Variants in BCKDHB observed in about 807,000 individuals in gnomAD.
The protein encoded by BCKDHB is 2-oxoisovalerate dehydrogenase subunit beta, mitochondrial.
Under a neutral mutation model 48.5 loss-of-function variants are expected in BCKDHB, and 41 were observed. The observed-to-expected ratio is 0.85, with a 90% CI of 0.66 to 1.10. The LOEUF (loss-of-function observed/expected upper bound fraction) is 1.10, where lower values mean the gene tolerates loss of function less well. BCKDHB is among the 50% of genes least tolerant of loss of function. The pLI is 0.00. For synonymous variants in BCKDHB, 201 were observed against 174.8 expected, an observed-to-expected ratio of 1.15 and a Z score of -1.18; for missense variants, 496 against 494.2, an observed-to-expected ratio of 1.00 and a Z score of -0.03.
intron 3 of BCKDHB, among the ~76,000 whole-genome samples, chr6:80,165,707 T>C (rs899596606): frequency 6.6e-6 from 1 of 152,206 alleles, no homozygotes; most frequent in Non-Finnish European, 1.5e-5. Context: ...AAATTGTACC[T>C]AGTGGTTCGA....
chr6:80,448,925 CT>C, the BCKDHB span, among the ~76,000 whole-genome samples: 6 of 152,096 alleles, frequency 3.9e-5, no homozygotes, highest in African/African-American at 1.4e-4. Context: ...CATGTACCCC[CT>C]GAATTTAAAA....
chr6:80,113,594 A>C (rs758739396), intron 1 of BCKDHB, among the ~76,000 whole-genome samples: 1 of 152,236 alleles, frequency 6.6e-6, no homozygotes, highest in Non-Finnish European at 1.5e-5. Flanking sequence ...AAACGAGAAG[A>C]AAAATAAATC....
At chr6:80,176,858 C>T (rs1773179714) in intron 6 of BCKDHB, among the ~76,000 whole-genome samples, 1 of 152,036 alleles carries the variant, frequency 6.6e-6, no homozygotes, top group African/African-American at 2.4e-5. Context: ...AGATAGAATC[C>T]CTTTGAGCGG....
At chr6:80,348,521 GC>G (rs1399643470), downstream of BCKDHB, among the ~76,000 whole-genome samples, 1 of 152,174 alleles carries the variant, frequency 6.6e-6, no homozygotes, top group Non-Finnish European at 1.5e-5. Context: ...CACAGAGATG[GC>G]CCTGATCCAG....
the BCKDHB span, among the ~76,000 whole-genome samples, chr6:80,388,221 G>C: frequency 1.4e-4 from 22 of 152,286 alleles, no homozygotes; most frequent in South Asian, 4.4e-3. Flanking sequence ...ACAGGTCCAG[G>C]CTGCTGTGAA....
At chr6:80,135,605 T>G (rs889081608) in intron 3 of BCKDHB, among the ~76,000 whole-genome samples, 1 of 152,202 alleles carries the variant, frequency 6.6e-6, no homozygotes, top group Non-Finnish European at 1.5e-5. Flanking sequence ...TAGATGAACA[T>G]GTTTAATATG....
chr6:80,320,546 A>G (rs1172368712), intron 9 of BCKDHB, among the ~76,000 whole-genome samples: 1 of 152,188 alleles, frequency 6.6e-6, no homozygotes, highest in Admixed American at 6.5e-5. Context: ...AAGTCTCTCA[A>G]CTTCAGGCTC....
At chr6:80,142,785 A>G (rs1415368186) in intron 3 of BCKDHB, among the ~76,000 whole-genome samples, 1 of 152,118 alleles carries the variant, frequency 6.6e-6, no homozygotes, top group Non-Finnish European at 1.5e-5. Flanking sequence ...GAAAAACCAC[A>G]TGCAGTGAAG....
At chr6:80,354,777 T>C in the BCKDHB span, among the ~76,000 whole-genome samples, 2 of 152,210 alleles carry the variant, frequency 1.3e-5, no homozygotes, top group Admixed American at 1.3e-4. Flanking sequence ...CCTTTGTGTA[T>C]GTTTTTATTG....
chr6:80,285,911 G>A (rs919732915), intron 9 of BCKDHB, among the ~76,000 whole-genome samples: 6 of 151,944 alleles, frequency 3.9e-5, no homozygotes, highest in African/African-American at 1.5e-4. Flanking sequence ...TTGTAAAGTG[G>A]ATCTTCTGTC....
chr6:80,339,489 C>T (rs2179843), intron 9 of BCKDHB, among the ~76,000 whole-genome samples: 118,074 of 152,152 alleles, frequency 0.78, 46,187 homozygotes, highest in Admixed American at 0.84. Context: ...GTGTCTGTGA[C>T]TTTAATGATT....
chr6:80,291,101 C>G (rs1032762686), intron 9 of BCKDHB, among the ~76,000 whole-genome samples: 2 of 152,146 alleles, frequency 1.3e-5, no homozygotes, highest in African/African-American at 4.8e-5. Context: ...ATTGGAATGC[C>G]TAACTGTCTG....
At chr6:80,203,348 C>A in intron 8 of BCKDHB, 136 bp downstream of exon 8, 3 of 695,396 alleles carry the variant, frequency 4.3e-6, no homozygotes, top group South Asian at 1.7e-5. Flanking sequence ...AAATTTGCAG[C>A]ATGAAAGAAA....
Position 80,122,801 on chromosome 6 carries a change from A to G in BCKDHB, c.197-4746A>G, listed in dbSNP as rs1031354509. Among the ~76,000 whole-genome samples the G allele has an allele frequency of 1.7e-4, 26 of 152,162 alleles. 1 individual carries two copies. Among genetic ancestry groups the G allele is most frequent in the Non-Finnish European group, 3.7e-4 (25 of 68,028 alleles). ...ATAAACATCTTAAACAACAGAAAAC[A>G]GGGTTTGAGAGCAGAGAACCAGTCT... On this transcript the variant is annotated intron_variant, in intron 1 of 9. Coordinates refer to ENST00000320393, the MANE Select transcript of BCKDHB (RefSeq NM_183050.4).
At chr6:80,230,164 G>A (rs1037966440) in intron 8 of BCKDHB, among the ~76,000 whole-genome samples, 1 of 146,842 alleles carries the variant, frequency 6.8e-6, no homozygotes, top group Non-Finnish European at 1.5e-5. Context: ...TCAGCCTCCC[G>A]AGTAGCTGGG....
At chr6:80,226,842 C>CT (rs1775700940) in intron 8 of BCKDHB, among the ~76,000 whole-genome samples, 1 of 152,210 alleles carries the variant, frequency 6.6e-6, no homozygotes, top group African/African-American at 2.4e-5. Context: ...GGCCACCAGG[C>CT]TATAAGTCGG....
At chr6:80,112,305 C>T (rs1441877408) in intron 1 of BCKDHB, among the ~76,000 whole-genome samples, 4 of 152,148 alleles carry the variant, frequency 2.6e-5, no homozygotes, top group Non-Finnish European at 5.9e-5. Flanking sequence ...ACCAAAATTT[C>T]AGGTCAAGCA....
At chr6:80,196,750 A>T (rs192036310) in intron 6 of BCKDHB, among the ~76,000 whole-genome samples, 8 of 152,310 alleles carry the variant, frequency 5.3e-5, no homozygotes, top group African/African-American at 1.7e-4. Flanking sequence ...GAGGATGGGA[A>T]ATAGAATGGG....
intron 8 of BCKDHB, among the ~76,000 whole-genome samples, chr6:80,230,926 C>T (rs1775898995): frequency 2.0e-5 from 3 of 152,204 alleles, no homozygotes; most frequent in Non-Finnish European, 4.4e-5. Context: ...AACACTATTG[C>T]ACTGAGAATT....
Sources: gnomAD v4.1 joint callset for allele counts (sites outside exome capture counted in the v4.1 genomes callset) on GRCh38, gnomAD v4.1.1 for gene constraint, MANE v1.5 for transcripts, NCBI Gene and HGNC (gene_info 2026-07-23, HGNC 2026-07-21) for gene names.